PAFAH1B1: variants seen among roughly 807,000 people sequenced by gnomAD.
The protein encoded by PAFAH1B1 is platelet-activating factor acetylhydrolase IB subunit beta.
PAFAH1B1 carries 2 observed loss-of-function variants against 57.5 expected under a neutral mutation model. The observed-to-expected ratio is 0.03, with a 90% CI of 0.01 to 0.11. PAFAH1B1 has a LOEUF of 0.11. Ranked by LOEUF, PAFAH1B1 falls within the 10% of genes least tolerant of loss-of-function variation. The pLI is 1.00. For synonymous variants in PAFAH1B1, 152 were observed against 169.6 expected (o/e 0.90, Z 0.81); for missense variants, 257 against 512.0 (o/e 0.50, Z 4.81).
chr17:2,612,130 C>G (rs1216365818), intron 1 of PAFAH1B1, among the ~76,000 whole-genome samples: 1 of 151,308 alleles, frequency 6.6e-6, no homozygotes, highest in Non-Finnish European at 1.5e-5. Flanking sequence ...TTTGCCAATA[C>G]TGTTTGACGG....
At chr17:2,634,792 A>G (rs1322182297) in intron 1 of PAFAH1B1, among the ~76,000 whole-genome samples, 1 of 152,158 alleles carries the variant, frequency 6.6e-6, no homozygotes, top group Non-Finnish European at 1.5e-5. Context: ...GCAGGTGGCA[A>G]TACTTGTCAC....
intron 1 of PAFAH1B1, among the ~76,000 whole-genome samples, chr17:2,613,042 TAAAA>T (rs34932981): frequency 0.015 from 2,023 of 132,356 alleles, 10 homozygotes; most frequent in Admixed American, 0.02. Flanking sequence ...TAATAATTTG[TAAAA>T]AAAAAAAAAA....
chr17:2,678,603 C>T (rs1310917702), intron 9 of PAFAH1B1, among the ~76,000 whole-genome samples: 1 of 151,644 alleles, frequency 6.6e-6, no homozygotes, highest in South Asian at 2.1e-4. Flanking sequence ...AAAACATACT[C>T]TTGGCCAGGC....
rs201754847 is a variant in PAFAH1B1, at chr17:2,670,153, C to T, written c.400-10C>T. On this transcript the variant is annotated splice_polypyrimidine_tract_variant and intron_variant, in intron 5 of 10. Transcript: ENST00000397195. Reference sequence around the variant, plus strand: ...AGTTGGTGTTAACCAATTTTCTGTTCACTTGACAGGTGTGGGATTATGAGA... The same window carrying T: ...AGTTGGTGTTAACCAATTTTCTGTTTACTTGACAGGTGTGGGATTATGAGA... 2.5e-6 allele frequency: 4 copies of T among 1,613,604 alleles called. No individual in the cohort carries two copies. Among genetic ancestry groups the T allele is most frequent in the African/African-American group, 1.3e-5 (1 of 75,032 alleles).
chr17:2,597,689 G>A (rs2068099518), intron 1 of PAFAH1B1, among the ~76,000 whole-genome samples: 1 of 151,758 alleles, frequency 6.6e-6, no homozygotes, highest in Non-Finnish European at 1.5e-5. Flanking sequence ...AATTACAGAT[G>A]TGAGCCACCA....
chr17:2,595,608 GAC>G (rs1396904161), intron 1 of PAFAH1B1, among the ~76,000 whole-genome samples: 1 of 152,036 alleles, frequency 6.6e-6, no homozygotes, highest in African/African-American at 2.4e-5. Context: ...TGTCTTTTAG[GAC>G]ACAGTTTCAC....
chr17:2,595,868 C>G (rs2068079592), intron 1 of PAFAH1B1, among the ~76,000 whole-genome samples: 2 of 152,100 alleles, frequency 1.3e-5, no homozygotes. Flanking sequence ...CCCCCACATC[C>G]TTTTTTAAAA....
chr17:2,594,218 G>A (rs1483412858), intron 1 of PAFAH1B1, among the ~76,000 whole-genome samples: 3 of 152,144 alleles, frequency 2.0e-5, no homozygotes, highest in Non-Finnish European at 4.4e-5. Context: ...AGACCCGGAG[G>A]AGGGGGACTG....
At chr17:2,636,823 T>C (rs1869049535) in intron 1 of PAFAH1B1, among the ~76,000 whole-genome samples, 1 of 152,124 alleles carries the variant, frequency 6.6e-6, no homozygotes, top group African/African-American at 2.4e-5. Flanking sequence ...CCTTGAACTC[T>C]TGGGTAGCAA....
chr17:2,681,558 C>T, intron 10 of PAFAH1B1, 171 bp from the exon 11 acceptor site: 3 of 595,588 alleles, frequency 5.0e-6, no homozygotes, highest in Non-Finnish European at 6.0e-6. Context: ...CTCGACTTCC[C>T]AGCTCAAACA....
At chr17:2,605,447 A>G (rs539642173) in intron 1 of PAFAH1B1, among the ~76,000 whole-genome samples, 14 of 152,350 alleles carry the variant, frequency 9.2e-5, no homozygotes, top group Non-Finnish European at 1.6e-4. Context: ...AAAGAACACA[A>G]TGGCAAAACT....
At chr17:2,674,427 C>A in intron 8 of PAFAH1B1, 139 bp downstream of exon 8, 1 of 700,670 alleles carries the variant, frequency 1.4e-6, no homozygotes, top group Non-Finnish European at 2.6e-6. Context: ...AAATTCTCTA[C>A]TCTTCACAGC....
chr17:2,681,086 A>G (rs1375425663), intron 10 of PAFAH1B1: 1 of 153,382 alleles, frequency 6.5e-6, no homozygotes, highest in Non-Finnish European at 1.4e-5. Context: ...ACCTCCTGGG[A>G]ACAGGAGACT....
At chr17:2,604,020 G>A (rs913444200) in intron 1 of PAFAH1B1, among the ~76,000 whole-genome samples, 2 of 151,962 alleles carry the variant, frequency 1.3e-5, no homozygotes, top group Admixed American at 1.3e-4. Flanking sequence ...ACAGGCGTGA[G>A]CCATCGCGCC....
intron 1 of PAFAH1B1, among the ~76,000 whole-genome samples, chr17:2,608,424 G>C (rs932951294): frequency 1.3e-5 from 2 of 152,192 alleles, no homozygotes; most frequent in Non-Finnish European, 2.9e-5. Context: ...ACAGAAATGG[G>C]CAATTAGGTT....
At chr17:2,656,853 C>G (rs1004743458) in intron 2 of PAFAH1B1, among the ~76,000 whole-genome samples, 5 of 138,522 alleles carry the variant, frequency 3.6e-5, no homozygotes, top group Admixed American at 2.4e-4. Flanking sequence ...CTTTTTCTTG[C>G]CTTGAATGTC....
Position 2,633,959 on chromosome 17 carries a change from ACCTT to A in PAFAH1B1, c.-190-4139_-190-4136del, listed in dbSNP as rs1337208473. Among the ~76,000 whole-genome samples the A allele has an allele frequency of 2.3e-5, 3 of 128,476 alleles. No homozygotes were observed. In the East Asian group the frequency reaches 6.7e-4, roughly 29 times the overall value. The allele number at this position is 128,476 out of a possible 152,430, so 84.3% of individuals were successfully genotyped here. ...AACATTTCTAAATAAAAAGTACCAAACCTTTTTTTTTTTTTTTTTTTTTTAATAG... is the reference window on the plus strand; with the variant it reads ...AACATTTCTAAATAAAAAGTACCAAATTTTTTTTTTTTTTTTTTTTAATAG... On this transcript the variant is annotated intron_variant, in intron 1 of 10. Coordinates refer to ENST00000397195, the MANE Select transcript of PAFAH1B1 (RefSeq NM_000430.4).
intron 1 of PAFAH1B1, chr17:2,635,569 T>C (rs941023582): frequency 9.2e-5 from 14 of 152,304 alleles, no homozygotes; most frequent in African/African-American, 3.4e-4. Context: ...TCTCGCTTTG[T>C]TTCCCAGGCT....
intron 1 of PAFAH1B1, among the ~76,000 whole-genome samples, chr17:2,621,623 T>G (rs2068424304): frequency 4.4e-5 from 3 of 68,330 alleles, no homozygotes; most frequent in African/African-American, 8.8e-5. Flanking sequence ...TTTTTTTTTT[T>G]TTTTTTTTTT....
Sources: gnomAD v4.1 joint callset for allele counts (sites outside exome capture counted in the v4.1 genomes callset) on GRCh38, gnomAD v4.1.1 for gene constraint, MANE v1.5 for transcripts, NCBI Gene and HGNC (gene_info 2026-07-23, HGNC 2026-07-21) for gene names.